The following VPS13B variants were observed in gnomAD, a reference collection of about 807,000 sequenced individuals.
VPS13B encodes intermembrane lipid transfer protein VPS13B.
A neutral mutation model predicts 426.4 loss-of-function variants in VPS13B; 285 were observed. The observed-to-expected ratio is 0.67, with a 90% CI of 0.61 to 0.74. The LOEUF (loss-of-function observed/expected upper bound fraction) is 0.74, where lower values mean the gene tolerates loss of function less well. Ranked by LOEUF, VPS13B falls within the 30% of genes least tolerant of loss-of-function variation. The probability of loss-of-function intolerance (pLI) is 0.00; values close to 1 mark genes in which losing one functional copy is unlikely to be tolerated. For missense variants in VPS13B, 4,537 were observed against 4,782.6 expected (o/e 0.95, Z 1.51); for synonymous variants, 1,676 against 1,676.4 (o/e 1.00, Z 0.01).
At chr8:99,052,731 G>A (rs1843625713) in intron 3 of VPS13B, among the ~76,000 whole-genome samples, 1 of 152,144 alleles carries the variant, frequency 6.6e-6, no homozygotes, top group Admixed American at 6.5e-5. Flanking sequence ...TCTATTCAGA[G>A]ATTCAACTTC....
Position 99,798,356 on chromosome 8 carries a change from T to G in VPS13B, c.7942-11019T>G, listed in dbSNP as rs543639056. 4.6e-5 allele frequency among the ~76,000 whole-genome samples: 7 copies of G among 152,306 alleles called. 1 individual carries two copies. The East Asian group carries it at 1.2e-3, about 25-fold the overall frequency. On this transcript the variant is annotated intron_variant, in intron 43 of 61. Coordinates refer to ENST00000357162, the MANE Select transcript of VPS13B (RefSeq NM_152564.5). ...CTAGCAGTTTTGGTCATTAAGTATT[T>G]AATGCACAGAGCATATTTGGATTTT...
At chr8:99,413,359 G>C (rs936866649) in intron 21 of VPS13B, among the ~76,000 whole-genome samples, 1 of 152,104 alleles carries the variant, frequency 6.6e-6, no homozygotes, top group African/African-American at 2.4e-5. Flanking sequence ...GGTGTTTATA[G>C]TATTCTCTGA....
chr8:99,696,986 G>A (rs746626514), intron 35 of VPS13B: 9 of 612,902 alleles, frequency 1.5e-5, no homozygotes, highest in South Asian at 6.9e-5. Flanking sequence ...TGCAGCCGGC[G>A]TGTGGGAAGT....
At chr8:99,425,625 A>T (rs1816654022) in intron 21 of VPS13B, among the ~76,000 whole-genome samples, 1 of 152,200 alleles carries the variant, frequency 6.6e-6, no homozygotes, top group South Asian at 2.1e-4. Flanking sequence ...AATGGGCAAA[A>T]ACTGGAAGCA....
In VPS13B at chr8:99,115,764, G is replaced by A. The variant is rs181021782; in HGVS notation, c.827G>A (p.Arg276His). ...GATCAACAACTGCCTATGTTTATTC[G>A]TATAATGCAACTTGGAATTGCTCTT... ...ITDQQLPMFI[R>H]IMQLGIALYY... The change falls in exon 7 of 62, where the codon CGT (arginine) becomes CAT (histidine). Residue 276 changes from arginine to histidine, a missense_variant. Around this residue, in one of 2 missense-constraint regions of VPS13B, gnomAD observed 4,311 missense variants for 4,474.3 expected, o/e 0.96. Coordinates refer to ENST00000357162, the MANE Select transcript of VPS13B (RefSeq NM_152564.5). The A allele has an allele frequency of 1.4e-5, 22 of 1,613,462 alleles. No individual in the cohort carries two copies. The highest frequency in any genetic ancestry group is 1.7e-4 in the Middle Eastern group (1 of 6,054).
intron 30 of VPS13B, among the ~76,000 whole-genome samples, chr8:99,525,250 AAAC>A (rs905065535): frequency 6.6e-6 from 1 of 152,082 alleles, no homozygotes; most frequent in Non-Finnish European, 1.5e-5. Context: ...ATATAAATAG[AAAC>A]AACAAAAAGT....
intron 35 of VPS13B, among the ~76,000 whole-genome samples, chr8:99,694,786 A>G (rs1375320770): frequency 2.0e-5 from 3 of 151,980 alleles, no homozygotes; most frequent in East Asian, 1.9e-4. Context: ...GAAAATTTTC[A>G]CCACCTACTC....
chr8:99,186,246 A>G (rs1365200466), intron 16 of VPS13B, among the ~76,000 whole-genome samples: 4 of 152,116 alleles, frequency 2.6e-5, no homozygotes, highest in Admixed American at 6.5e-5. Flanking sequence ...CAGAAGTTAG[A>G]AATTTTTGGT....
rs540003800 is a variant in VPS13B at position 99,038,622 on chromosome 8, A to G, written c.291+56A>G. 3.1e-5 allele frequency: 47 copies of G among 1,501,780 alleles called. No individual in the cohort carries two copies. In the African/African-American group the frequency reaches 6.0e-4, roughly 19 times the overall value. 93.0% of individuals were successfully genotyped at this position (1,501,780 alleles called of 1,614,324 possible). ...TTAACTAATTTTAGTAGTATTTGAC[A>G]TTTCTTTACCTTTTCAAATATGCCA... On this transcript the variant is annotated intron_variant, in intron 3 of 61. Transcript: ENST00000357162.
At chr8:99,130,018 A>G (rs1326041113) in intron 8 of VPS13B, among the ~76,000 whole-genome samples, 1 of 152,230 alleles carries the variant, frequency 6.6e-6, no homozygotes, top group Admixed American at 6.5e-5. Flanking sequence ...CCCTGTGTCA[A>G]AAACACAAAC....
chr8:99,633,012 C>A (rs948885136), intron 33 of VPS13B, among the ~76,000 whole-genome samples: 13 of 151,956 alleles, frequency 8.6e-5, no homozygotes, highest in Admixed American at 2.6e-4. Context: ...ATATTTCTAT[C>A]TGGCAATGAA....
At chr8:99,312,682 G>A (rs368443778) in intron 19 of VPS13B, among the ~76,000 whole-genome samples, 3 of 152,060 alleles carry the variant, frequency 2.0e-5, no homozygotes, top group East Asian at 1.9e-4. Context: ...TCTTTGTGGC[G>A]TTCTCTGTAT....
At chr8:99,039,733 A>G (rs752242415) in intron 3 of VPS13B, among the ~76,000 whole-genome samples, 2 of 152,094 alleles carry the variant, frequency 1.3e-5, no homozygotes, top group Non-Finnish European at 2.9e-5. Context: ...ATTATTTCCT[A>G]TTTTAAGTGG....
intron 2 of VPS13B, among the ~76,000 whole-genome samples, chr8:99,027,110 C>T (rs1442326539): frequency 1.3e-5 from 2 of 152,142 alleles, no homozygotes; most frequent in Non-Finnish European, 2.9e-5. Context: ...CTCCTGATCT[C>T]AGGTGATCTA....
intron 39 of VPS13B, among the ~76,000 whole-genome samples, chr8:99,751,969 T>C (rs890644408): frequency 6.6e-6 from 1 of 152,172 alleles, no homozygotes; most frequent in African/African-American, 2.4e-5. Context: ...TCTTTTATAA[T>C]GGACAGTAAG....
At chr8:99,635,628 A>G (rs1829037223) in intron 33 of VPS13B, among the ~76,000 whole-genome samples, 1 of 151,958 alleles carries the variant, frequency 6.6e-6, no homozygotes, top group East Asian at 1.9e-4. Context: ...TTTGTCCTTA[A>G]TAATTCTCAA....
intron 25 of VPS13B, among the ~76,000 whole-genome samples, chr8:99,494,610 A>G (rs1588436570): frequency 6.6e-6 from 1 of 152,086 alleles, no homozygotes; most frequent in South Asian, 2.1e-4. Context: ...TTAGTTTTAT[A>G]CATATATGAT....
chr8:99,799,546 A>C (rs546431289), intron 43 of VPS13B, among the ~76,000 whole-genome samples: 54 of 152,324 alleles, frequency 3.5e-4, no homozygotes, highest in African/African-American at 1.2e-3. Context: ...ACAGCAAGGC[A>C]GTTTAGTTAA....
chr8:99,033,451 C>T (rs961323074), intron 2 of VPS13B, among the ~76,000 whole-genome samples: 2 of 152,114 alleles, frequency 1.3e-5, no homozygotes, highest in Admixed American at 6.5e-5. Flanking sequence ...ATTCTTTTGC[C>T]AATTCAAATC....
Sources: allele counts gnomAD v4.1 joint callset (sites outside exome capture counted in the v4.1 genomes callset), GRCh38; gene constraint gnomAD v4.1.1; regional missense constraint gnomAD v4.1.1; transcripts MANE v1.5; gene names NCBI Gene and HGNC (gene_info 2026-07-23, HGNC 2026-07-21).